The following AMPD1 variants were observed in gnomAD, a reference collection of about 807,000 sequenced individuals.
AMPD1 encodes the protein AMP deaminase 1.
In AMPD1, 74 loss-of-function variants were observed where a neutral mutation model predicts 82.9. The ratio of observed to expected loss-of-function variants is 0.89; its 90% CI spans 0.74 to 1.08. The LOEUF is 1.08. AMPD1 is among the 50% of genes least tolerant of loss of function. The pLI is 0.00. For missense variants in AMPD1, 881 were observed against 924.5 expected (o/e 0.95, Z 0.61); for synonymous variants, 333 against 320.5 (o/e 1.04, Z -0.42).
At chr1:114,683,870 G>A (rs1007156039) in intron 5 of AMPD1, among the ~76,000 whole-genome samples, 1 of 152,204 alleles carries the variant, frequency 6.6e-6, no homozygotes, top group African/African-American at 2.4e-5. Flanking sequence ...GCTCAGATCT[G>A]TGTTTTAAAA....
At chr1:114,690,662 C>T (rs1172631894) in intron 2 of AMPD1, among the ~76,000 whole-genome samples, 2 of 152,156 alleles carry the variant, frequency 1.3e-5, no homozygotes, top group Non-Finnish European at 2.9e-5. Flanking sequence ...CATGAAGGAA[C>T]AAATGGAACA....
intron 5 of AMPD1, among the ~76,000 whole-genome samples, chr1:114,682,474 C>G (rs1658185649): frequency 6.6e-6 from 1 of 151,894 alleles, no homozygotes; most frequent in African/African-American, 2.4e-5. Flanking sequence ...TATGTGTTAC[C>G]AAACTGGAGA....
intron 12 of AMPD1, 158 bp from the exon 13 acceptor site, chr1:114,675,030 A>C (rs1162786571): frequency 9.9e-7 from 1 of 1,015,144 alleles, no homozygotes; most frequent in East Asian, 2.6e-5. Flanking sequence ...GCTAAATACA[A>C]AGTTTCCAAA....
At chr1:114,682,476 A>C (rs921549706) in intron 5 of AMPD1, among the ~76,000 whole-genome samples, 1 of 152,214 alleles carries the variant, frequency 6.6e-6, no homozygotes, top group Non-Finnish European at 1.5e-5. Context: ...TGTGTTACCA[A>C]ACTGGAGACA....
intron 5 of AMPD1, 71 bp downstream of exon 5, chr1:114,684,128 G>A: frequency 6.9e-7 from 1 of 1,452,888 alleles, no homozygotes; most frequent in Non-Finnish European, 9.5e-7. Flanking sequence ...TAATCTAGAG[G>A]CATATTTTAA....
At chr1:114,681,401 CCTGA>C (rs1248447838) in intron 5 of AMPD1, among the ~76,000 whole-genome samples, 1 of 151,934 alleles carries the variant, frequency 6.6e-6, no homozygotes, top group Non-Finnish European at 1.5e-5. Context: ...TCAAAATCAG[CCTGA>C]CTAACATGGT....
intron 13 of AMPD1, among the ~76,000 whole-genome samples, chr1:114,674,537 C>T (rs529673106): frequency 4.6e-5 from 7 of 152,312 alleles, no homozygotes; most frequent in South Asian, 2.1e-4. Flanking sequence ...AGGAGATCTG[C>T]GTTAACTTTT....
intron 5 of AMPD1, among the ~76,000 whole-genome samples, chr1:114,680,775 T>C (rs1206753391): frequency 6.6e-6 from 1 of 152,168 alleles, no homozygotes; most frequent in Non-Finnish European, 1.5e-5. Context: ...GAGACCAGCC[T>C]GACCAATATG....
At chr1:114,681,227 G>A (rs528017063) in intron 5 of AMPD1, among the ~76,000 whole-genome samples, 1 of 152,048 alleles carries the variant, frequency 6.6e-6, no homozygotes, top group African/African-American at 2.4e-5. Context: ...TTTATTAGGC[G>A]TAATTTAGAG....
intron 2 of AMPD1, among the ~76,000 whole-genome samples, chr1:114,691,547 G>A (rs1471905557): frequency 1.3e-5 from 2 of 152,126 alleles, no homozygotes; most frequent in Admixed American, 6.6e-5. Context: ...CAGCATGGGC[G>A]ACAGAGTACA....
chr1:114,679,511 T>C (rs1371970336), intron 7 of AMPD1, 68 bp downstream of exon 7: 2 of 1,589,744 alleles, frequency 1.3e-6, no homozygotes, highest in East Asian at 2.2e-5. Flanking sequence ...ACTCTTTTCT[T>C]GTGCTTCTCA....
chr1:114,673,520 A>G (rs61811031), intron 15 of AMPD1, 119 bp downstream of exon 15: 2 of 934,872 alleles, frequency 2.1e-6, no homozygotes, highest in Non-Finnish European at 1.7e-6. Flanking sequence ...GTCCCTGTCC[A>G]TAGTAACTGC....
rs369370692 is a variant in AMPD1, at chr1:114,678,092, C to G, written c.1093-51G>C. On this transcript the variant is annotated intron_variant, in intron 8 of 15. Transcript: ENST00000520113. ...TGTATTATTACCAGAGCTGTCTGGA[C>G]AGAGAGAGCTAGGAAATAGTCAAGC... 6 of 1,609,616 alleles carry G rather than the reference C, an allele frequency of 3.7e-6. No individual in the cohort carries two copies. In the African/African-American group the frequency reaches 8.0e-5, roughly 22 times the overall value.
chr1:114,679,676 A>G lies in AMPD1; in HGVS notation c.800T>C (p.Leu267Pro), dbSNP rs1290437701. 1 of 1,614,088 alleles carries G rather than the reference A, an allele frequency of 6.2e-7. No individual in the cohort carries two copies. Among genetic ancestry groups the G allele is most frequent in the Admixed American group, 1.7e-5 (1 of 60,020 alleles). ...KTYTHRRLKF[L>P]SSKFQVHQML... ...CTGATGGACCTGGAACTTGGAGGAG[A>G]GGAACTTCAGGCGCCGGTGGGTATA... Residue 267 changes from leucine to proline, a missense_variant, in exon 7 of 16, where the codon CTC (leucine) becomes CCC (proline). By Grantham distance (98) the Leu-to-Pro change is moderately conservative (BLOSUM62 -3). Coordinates refer to ENST00000520113, the MANE Select transcript of AMPD1 (RefSeq NM_000036.3).
chr1:114,683,611 C>T (rs1014120882), intron 5 of AMPD1, among the ~76,000 whole-genome samples: 1 of 152,080 alleles, frequency 6.6e-6, no homozygotes, highest in Non-Finnish European at 1.5e-5. Flanking sequence ...GTGACACACA[C>T]CAGCAATCCC....
rs1570836949 is a variant in AMPD1 at position 114,674,818 on chromosome 1, G to A, written c.1734C>T (p.Ala578=). 6.2e-7 allele frequency: 1 copy of A among 1,613,830 alleles called. No homozygotes were observed. The highest frequency in any genetic ancestry group is 8.5e-7 in the Non-Finnish European group (1 of 1,179,762). The change falls in exon 13 of 16, where the codon GCC becomes GCT. Residue 578 remains alanine (A), a synonymous_variant. Coordinates refer to ENST00000520113, the MANE Select transcript of AMPD1 (RefSeq NM_000036.3). ...TGAATGCTGTCATGAGATGGGTGAG[G>A]GCTCCAGCTTCTCCACAGTGAGGTC... ...LFRPHCGEAG[A]LTHLMTAFMI...
rs776575127 is a variant in AMPD1, at chr1:114,673,984, A to C, written c.1899T>G (p.Pro633=). The C allele has an allele frequency of 6.2e-7, 1 of 1,614,004 alleles. No individual in the cohort carries two copies. The highest frequency in any genetic ancestry group is 8.5e-7 in the Non-Finnish European group (1 of 1,179,858). Residue 633 remains proline, a synonymous_variant, in exon 14 of 16, where the codon CCT becomes CCG. Transcript: ENST00000520113. The part of the protein sequence containing the change: ...NSLFLEYAKN[P]FLDFLQKGLM... ...GCCCTTTCTGAAGGAAATCCAAAAAAGGATTTTTGGCATACTCTAGAAATA... is the reference window on the plus strand; with the variant it reads ...GCCCTTTCTGAAGGAAATCCAAAAACGGATTTTTGGCATACTCTAGAAATA...
intron 10 of AMPD1, 136 bp from the exon 11 acceptor site, chr1:114,676,139 A>T (rs1657975137): frequency 1.8e-6 from 2 of 1,102,794 alleles, no homozygotes; most frequent in African/African-American, 3.1e-5. Flanking sequence ...CATGCTCCTC[A>T]TACATTCTTT....
At chr1:114,679,791 T>A (rs577176058) in intron 6 of AMPD1, 83 bp from the exon 7 acceptor site, 2 of 1,479,198 alleles carry the variant, frequency 1.4e-6, no homozygotes, top group South Asian at 2.3e-5. Context: ...ATCAGGACCT[T>A]TATCATTCAT....
Sources: gnomAD v4.1 joint callset for allele counts (sites outside exome capture counted in the v4.1 genomes callset) on GRCh38, gnomAD v4.1.1 for gene constraint, MANE v1.5 for transcripts, NCBI Gene and HGNC (gene_info 2026-07-23, HGNC 2026-07-21) for gene names.